The following SPAG17 variants were observed in gnomAD, a reference collection of about 807,000 sequenced individuals.
The protein encoded by SPAG17 is sperm associated antigen 17.
In SPAG17, 169 loss-of-function variants were observed where a neutral mutation model predicts 273.6. That is an observed-to-expected ratio of 0.62 (90% CI 0.55 to 0.70). The LOEUF is 0.70. SPAG17 is among the 30% of genes least tolerant of loss of function. SPAG17 has a pLI of 0.00. For missense variants in SPAG17, 2,557 were observed against 2,627.8 expected (o/e 0.97, Z 0.59); for synonymous variants, 825 against 873.2 (o/e 0.94, Z 0.97).
intron 28 of SPAG17, among the ~76,000 whole-genome samples, chr1:118,020,410 G>C (rs1660385598): frequency 6.6e-6 from 1 of 151,572 alleles, no homozygotes; most frequent in Non-Finnish European, 1.5e-5. Flanking sequence ...ACTCCAGCCT[G>C]GGCAACAGAG....
chr1:118,169,071 C>A (rs1355987340), intron 1 of SPAG17, among the ~76,000 whole-genome samples: 1 of 152,184 alleles, frequency 6.6e-6, no homozygotes, highest in Non-Finnish European at 1.5e-5. Context: ...GTCACCATTT[C>A]TTAACTAACA....
intron 13 of SPAG17, among the ~76,000 whole-genome samples, chr1:118,083,156 A>T (rs1229157306): frequency 6.6e-6 from 1 of 152,028 alleles, no homozygotes; most frequent in African/African-American, 2.4e-5. Flanking sequence ...GGGTTTTGCC[A>T]TGTCGGCCAG....
intron 3 of SPAG17, among the ~76,000 whole-genome samples, chr1:118,132,580 C>A (rs1199400782): frequency 2.0e-5 from 3 of 152,202 alleles, no homozygotes; most frequent in Non-Finnish European, 2.9e-5. Context: ...TATCTTCCCC[C>A]TCTAGCTTTG....
rs755490438 is a variant in SPAG17 at position 118,016,125 on chromosome 1, G to C, written c.4127C>G (p.Pro1376Arg). The change falls in exon 29 of 49, where the codon CCT (proline) becomes CGT (arginine). Residue 1376 changes from proline (P) to arginine (R), a missense_variant. By Grantham distance (103) the Pro-to-Arg change is moderately radical. Transcript: ENST00000336338. ...AGTTACAGTTTGAACTGCCTCTGGA[G>C]GAGGGTCATGGATTTCACCCTTATG... Reference protein sequence around the residue: ...MAHKGEIHDPPPEAVQTVTPV... With the variant: ...MAHKGEIHDPRPEAVQTVTPV... The C allele has an allele frequency of 1.9e-5, 31 of 1,613,924 alleles. No individual in the cohort carries two copies. Among genetic ancestry groups the C allele is most frequent in the African/African-American group, 5.3e-5 (4 of 74,932 alleles).
At chr1:118,056,159 T>C (rs1473367244) in intron 18 of SPAG17, among the ~76,000 whole-genome samples, 2 of 152,128 alleles carry the variant, frequency 1.3e-5, no homozygotes, top group African/African-American at 4.8e-5. Flanking sequence ...TCACTAGGCT[T>C]TGGGTTTAAG....
At chr1:117,981,750 A>C in intron 42 of SPAG17, among the ~76,000 whole-genome samples, 1 of 152,370 alleles carries the variant, frequency 6.6e-6, no homozygotes, top group East Asian at 1.9e-4. Flanking sequence ...TGGTAACGGC[A>C]ACTGAGATGT....
chr1:118,167,821 T>C (rs1222283950), intron 1 of SPAG17, among the ~76,000 whole-genome samples: 1 of 152,024 alleles, frequency 6.6e-6, no homozygotes, highest in African/African-American at 2.4e-5. Context: ...GGTGACTGGG[T>C]CATGGGGGTG....
intron 25 of SPAG17, among the ~76,000 whole-genome samples, chr1:118,031,143 A>G (rs1571289506): frequency 7.4e-6 from 1 of 135,782 alleles, no homozygotes; most frequent in Non-Finnish European, 1.6e-5. Flanking sequence ...TGTGTTTACT[A>G]TGATGAAGGG....
chr1:118,148,233 C>T (rs1466624617), intron 3 of SPAG17, among the ~76,000 whole-genome samples: 1 of 152,138 alleles, frequency 6.6e-6, no homozygotes, highest in Non-Finnish European at 1.5e-5. Flanking sequence ...GGAGTTGATT[C>T]CTTCCAGTGG....
intron 43 of SPAG17, among the ~76,000 whole-genome samples, chr1:117,979,508 T>C (rs886646681): frequency 2.0e-5 from 3 of 152,168 alleles, no homozygotes; most frequent in Admixed American, 6.5e-5. Flanking sequence ...CCACTTCAGT[T>C]GCTTCTTCCT....
chr1:118,046,251 C>A (rs1650340631), intron 20 of SPAG17, among the ~76,000 whole-genome samples: 1 of 152,066 alleles, frequency 6.6e-6, no homozygotes, highest in Admixed American at 6.6e-5. Context: ...GCAGGAGGAT[C>A]ATTTGAGCCC....
intron 3 of SPAG17, among the ~76,000 whole-genome samples, chr1:118,143,618 C>CA (rs768586202): frequency 6.6e-5 from 10 of 152,172 alleles, no homozygotes; most frequent in Non-Finnish European, 1.2e-4. Flanking sequence ...ACTTGGAATA[C>CA]ATGTGTTCAA....
intron 1 of SPAG17, among the ~76,000 whole-genome samples, chr1:118,153,180 C>T (rs887594679): frequency 1.1e-4 from 16 of 152,024 alleles, no homozygotes; most frequent in African/African-American, 3.6e-4. Context: ...CATTTCAGAC[C>T]AGAAAATAAA....
At chr1:118,122,897 G>T (rs1206440128) in intron 3 of SPAG17, among the ~76,000 whole-genome samples, 1 of 152,196 alleles carries the variant, frequency 6.6e-6, no homozygotes, top group African/African-American at 2.4e-5. Flanking sequence ...GGAATGAGGA[G>T]CAACTGGGCA....
At position 118,054,099 on chromosome 1, in the gene SPAG17, A is replaced by T. The variant is rs757108649; in HGVS notation, c.2723-6T>A. On this transcript the variant is annotated splice_polypyrimidine_tract_variant and splice_region_variant and intron_variant, in intron 19 of 48. Coordinates refer to ENST00000336338, the MANE Select transcript of SPAG17 (RefSeq NM_206996.4). ...TTTGCTGATTCCTTTGTTACCTATA[A>T]TCAGATAAAATTAAACTTCTTAGTA... 6.4e-7 allele frequency: 1 copy of T among 1,570,306 alleles called. No individual in the cohort carries two copies. The highest frequency in any genetic ancestry group is 1.1e-5 in the South Asian group (1 of 88,710).
intron 18 of SPAG17, among the ~76,000 whole-genome samples, chr1:118,064,731 TATA>T (rs1171501457): frequency 2.7e-5 from 4 of 150,080 alleles, no homozygotes; most frequent in African/African-American, 7.3e-5. Context: ...AAACTTAAAG[TATA>T]ATAATAATAA....
chr1:118,039,229 G>T, intron 23 of SPAG17, 63 bp downstream of exon 23: 1 of 1,506,774 alleles, frequency 6.6e-7, no homozygotes, highest in Non-Finnish European at 9.0e-7. Flanking sequence ...TCATTTAATG[G>T]AGTGGAGTGG....
intron 13 of SPAG17, 107 bp downstream of exon 13, chr1:118,085,815 G>T (rs1654950600): frequency 1.8e-6 from 2 of 1,117,234 alleles, no homozygotes; most frequent in East Asian, 2.6e-5. Flanking sequence ...CCTCTGAAAG[G>T]TCTTTCAATA....
intron 1 of SPAG17, among the ~76,000 whole-genome samples, chr1:118,159,034 C>A (rs1188636074): frequency 6.6e-6 from 1 of 152,204 alleles, no homozygotes; most frequent in East Asian, 1.9e-4. Flanking sequence ...CAAAACCACA[C>A]ACTAAAGAGA....
Sources: gnomAD v4.1 joint callset for allele counts (sites outside exome capture counted in the v4.1 genomes callset) on GRCh38, gnomAD v4.1.1 for gene constraint, MANE v1.5 for transcripts, NCBI Gene and HGNC (gene_info 2026-07-23, HGNC 2026-07-21) for gene names.